IGF2BP3: variants seen among roughly 807,000 people sequenced by gnomAD.
The protein encoded by IGF2BP3 is insulin like growth factor 2 mRNA binding protein 3, also known as insulin-like growth factor 2 mRNA-binding protein 3.
In IGF2BP3, 9 loss-of-function variants were observed where a neutral mutation model predicts 73.8. The observed-to-expected ratio is 0.12, with a 90% CI of 0.07 to 0.21. IGF2BP3 has a LOEUF of 0.21. Among genes scored for constraint, IGF2BP3 ranks in the 10% least tolerant of loss-of-function variants. The pLI is 1.00. For missense variants in IGF2BP3, 542 were observed against 714.0 expected (o/e 0.76, Z 2.75); for synonymous variants, 258 against 256.7 (o/e 1.01, Z -0.05).
chr7:23,366,650 T>A (rs1252729136), intron 3 of IGF2BP3, among the ~76,000 whole-genome samples: 5 of 150,842 alleles, frequency 3.3e-5, no homozygotes, highest in African/African-American at 4.9e-5. Flanking sequence ...GTGGAAAAAA[T>A]TTAACAACAC....
chr7:23,340,678 C>T (rs565863272), intron 10 of IGF2BP3, among the ~76,000 whole-genome samples: 101 of 152,094 alleles, frequency 6.6e-4, no homozygotes, highest in African/African-American at 2.2e-3. Flanking sequence ...TGAATACCTC[C>T]GATTATCGAT....
At chr7:23,440,287 T>A (rs58261413) in intron 2 of IGF2BP3, among the ~76,000 whole-genome samples, 14,424 of 134,994 alleles carry the variant, frequency 0.11, 782 homozygotes, top group Middle Eastern at 0.17. Flanking sequence ...AAAAAAAAAA[T>A]TAGCTGGGCA....
At chr7:23,365,023 T>G (rs1785334398) in intron 3 of IGF2BP3, among the ~76,000 whole-genome samples, 1 of 151,764 alleles carries the variant, frequency 6.6e-6, no homozygotes, top group African/African-American at 2.4e-5. Flanking sequence ...AACATTAGCC[T>G]GCAGTGGTGG....
intron 3 of IGF2BP3, among the ~76,000 whole-genome samples, chr7:23,410,768 T>A (rs1038449420): frequency 1.3e-5 from 2 of 152,216 alleles, no homozygotes; most frequent in African/African-American, 4.8e-5. Context: ...TTCAGAGGCA[T>A]GTTGAAACCA....
At chr7:23,449,171 T>C (rs1029399270) in intron 2 of IGF2BP3, among the ~76,000 whole-genome samples, 2 of 152,104 alleles carry the variant, frequency 1.3e-5, no homozygotes, top group African/African-American at 4.8e-5. Flanking sequence ...TGCCATGGAA[T>C]TGCATAAAAT....
At chr7:23,377,219 A>T (rs2128514941) in intron 3 of IGF2BP3, among the ~76,000 whole-genome samples, 1 of 152,356 alleles carries the variant, frequency 6.6e-6, no homozygotes, top group East Asian at 1.9e-4. Context: ...AATATTTGCA[A>T]ATCATATATC....
intron 3 of IGF2BP3, among the ~76,000 whole-genome samples, chr7:23,363,158 T>C (rs557922315): frequency 1.3e-5 from 2 of 152,376 alleles, no homozygotes; most frequent in East Asian, 3.9e-4. Context: ...AAGCAATTTC[T>C]TCTAAAGGAA....
At chr7:23,428,071 GAGGCTGAAGC>G (rs1787562927) in intron 2 of IGF2BP3, among the ~76,000 whole-genome samples, 1 of 152,124 alleles carries the variant, frequency 6.6e-6, no homozygotes, top group African/African-American at 2.4e-5. Context: ...AGCTACTTAG[GAGGCTGAAGC>G]AGGAGGATCA....
At chr7:23,374,938 C>T (rs1262463618) in intron 3 of IGF2BP3, among the ~76,000 whole-genome samples, 1 of 152,148 alleles carries the variant, frequency 6.6e-6, no homozygotes, top group Non-Finnish European at 1.5e-5. Flanking sequence ...GCCAAGGCTT[C>T]AGCCGGTCCC....
chr7:23,315,603 G>A (rs1783964897), intron 12 of IGF2BP3, among the ~76,000 whole-genome samples: 1 of 152,136 alleles, frequency 6.6e-6, no homozygotes, highest in Non-Finnish European at 1.5e-5. Context: ...AGAAAGCTGA[G>A]CTCATTTTAG....
At chr7:23,389,828 TA>T (rs748999337) in intron 3 of IGF2BP3, among the ~76,000 whole-genome samples, 12,857 of 108,352 alleles carry the variant, frequency 0.12, 695 homozygotes, top group African/African-American at 0.18. Context: ...ATCCCTTCTG[TA>T]AAAAAAAAAA....
Position 23,319,124 on chromosome 7 carries a change from TG to T in IGF2BP3, c.1320+13del. 1 of 1,521,406 alleles carries T rather than the reference TG, an allele frequency of 6.6e-7. No individual in the cohort carries two copies. The highest frequency in any genetic ancestry group is 9.1e-7 in the Non-Finnish European group (1 of 1,103,306). The allele number at this position is 1,521,406 out of a possible 1,614,324, so 94.2% of individuals were successfully genotyped here. A position where few individuals can be genotyped will look rare whatever the true frequency, so the allele number is the denominator to read the frequency against. On this transcript the variant is annotated intron_variant, in intron 11 of 14. Transcript: ENST00000258729. Reference sequence around the variant, plus strand: ...ACTTAAAGAACCAGAGAACCACAGCTGGTAGAACAGTACCTTAATTGAAGCT... The same window carrying T: ...ACTTAAAGAACCAGAGAACCACAGCTGTAGAACAGTACCTTAATTGAAGCT...
At chr7:23,333,806 C>A (rs779801862) in intron 10 of IGF2BP3, among the ~76,000 whole-genome samples, 2 of 152,230 alleles carry the variant, frequency 1.3e-5, no homozygotes, top group Admixed American at 1.3e-4. Context: ...TGTTGGCAAT[C>A]ATGTCTTGAA....
At position 23,319,382 on chromosome 7, in the gene IGF2BP3, A is replaced by AT. The variant is rs1355552327; in HGVS notation, c.1204-129dup. Reference sequence around the variant, plus strand: ...CAGGAAAGTTTAAGGAAAAGCTACCATAAGAAGTTGACCAGACCTTACCTA... The same window carrying AT: ...CAGGAAAGTTTAAGGAAAAGCTACCATTAAGAAGTTGACCAGACCTTACCTA... On this transcript the variant is annotated intron_variant, in intron 10 of 14. Transcript: ENST00000258729. The AT allele has an allele frequency of 9.2e-6, 6 of 655,290 alleles. No homozygotes were observed. In the Admixed American group the frequency reaches 1.5e-4, roughly 16 times the overall value. 40.6% of individuals were successfully genotyped at this position (655,290 alleles called of 1,614,324 possible).
chr7:23,422,235 G>C (rs981450209), intron 2 of IGF2BP3, among the ~76,000 whole-genome samples: 3 of 152,100 alleles, frequency 2.0e-5, no homozygotes, highest in Non-Finnish European at 4.4e-5. Context: ...AGAGAGTTCA[G>C]GTTAATTAGC....
chr7:23,313,679 G>A (rs200621308), intron 12 of IGF2BP3, 26 bp from the exon 13 acceptor site: 15 of 1,607,656 alleles, frequency 9.3e-6, no homozygotes, highest in Non-Finnish European at 2.5e-6. Context: ...CATCCTATTA[G>A]TGTCATTCAT....
At chr7:23,436,372 G>T (rs1196128243) in intron 2 of IGF2BP3, among the ~76,000 whole-genome samples, 1 of 152,156 alleles carries the variant, frequency 6.6e-6, no homozygotes, top group Non-Finnish European at 1.5e-5. Flanking sequence ...ATTTGGGGAG[G>T]TGTGGCATTG....
intron 3 of IGF2BP3, among the ~76,000 whole-genome samples, chr7:23,392,364 A>G (rs976136139): frequency 1.3e-5 from 2 of 150,774 alleles, no homozygotes; most frequent in South Asian, 2.1e-4. Flanking sequence ...AGGCTGATTC[A>G]GTAAGTAGTG....
chr7:23,332,164 T>C (rs908918136), intron 10 of IGF2BP3, among the ~76,000 whole-genome samples: 2 of 152,174 alleles, frequency 1.3e-5, no homozygotes, highest in Non-Finnish European at 2.9e-5. Flanking sequence ...AGCCAAACCA[T>C]ATCAACTAGT....
Sources: allele counts gnomAD v4.1 joint callset (sites outside exome capture counted in the v4.1 genomes callset), GRCh38; gene constraint gnomAD v4.1.1; transcripts MANE v1.5; gene names NCBI Gene and HGNC (gene_info 2026-07-23, HGNC 2026-07-21).